EYS: variants seen among roughly 807,000 people sequenced by gnomAD.
EYS encodes protein eyes shut homolog.
In EYS, 250 loss-of-function variants were observed where a neutral mutation model predicts 282.1. The observed-to-expected ratio is 0.89, with a 90% confidence interval of 0.80 to 0.98. The LOEUF (loss-of-function observed/expected upper bound fraction) is 0.98. Ranked by LOEUF, EYS falls within the 50% of genes least tolerant of loss-of-function variation. EYS has a pLI of 0.00. For missense variants in EYS, 4,016 were observed against 3,709.0 expected (o/e 1.08, Z -2.15); for synonymous variants, 1,355 against 1,282.9 (o/e 1.06, Z -1.20).
intron 30 of EYS, 43 bp downstream of exon 30, chr6:64,306,927 T>A (rs1355105465): frequency 1.1e-6 from 1 of 887,116 alleles, no homozygotes; most frequent in Non-Finnish European, 1.8e-6. Context: ...TTTGGTGTGG[T>A]TATTTGAACA....
At chr6:64,158,382 C>A (rs951240859) in intron 31 of EYS, among the ~76,000 whole-genome samples, 1 of 151,868 alleles carries the variant, frequency 6.6e-6, no homozygotes, top group African/African-American at 2.4e-5. Flanking sequence ...ATTAAGCAAA[C>A]TAATATTTGA....
At chr6:64,774,188 C>T (rs1311064107) in intron 22 of EYS, among the ~76,000 whole-genome samples, 1 of 151,944 alleles carries the variant, frequency 6.6e-6, no homozygotes, top group African/African-American at 2.4e-5. Flanking sequence ...GGTTGCACTT[C>T]TGAGGCTTTC....
intron 12 of EYS, among the ~76,000 whole-genome samples, chr6:65,281,189 A>C (rs1485675944): frequency 6.6e-6 from 1 of 151,354 alleles, no homozygotes; most frequent in East Asian, 1.9e-4. Flanking sequence ...TCATTAAGCA[A>C]CATTATTAAG....
chr6:64,543,341 A>T (rs1764746219), intron 26 of EYS, among the ~76,000 whole-genome samples: 1 of 152,148 alleles, frequency 6.6e-6, no homozygotes, highest in African/African-American at 2.4e-5. Flanking sequence ...GAGGTAAATT[A>T]TCTTAGTGGA....
intron 22 of EYS, among the ~76,000 whole-genome samples, chr6:64,731,916 G>A (rs1194567926): frequency 6.6e-6 from 1 of 152,074 alleles, no homozygotes; most frequent in East Asian, 1.9e-4. Flanking sequence ...CAAATCAAAT[G>A]CCCATCAATG....
intron 29 of EYS, among the ~76,000 whole-genome samples, chr6:64,314,100 G>A (rs776512168): frequency 4.7e-5 from 7 of 148,900 alleles, no homozygotes; most frequent in Non-Finnish European, 7.4e-5. Flanking sequence ...AAGACCCTTC[G>A]CTGTGCTGTA....
At chr6:63,863,644 T>C (rs1054603922) in intron 36 of EYS, among the ~76,000 whole-genome samples, 6 of 4,230 alleles carry the variant, frequency 1.4e-3, no homozygotes, top group Non-Finnish European at 2.0e-3. Flanking sequence ...CCACTTTTTC[T>C]TTTCTTTTCT....
chr6:65,330,571 A>G, intron 11 of EYS: 4 of 975,968 alleles, frequency 4.1e-6, no homozygotes, highest in Non-Finnish European at 4.9e-6. Context: ...TGTTTGCAAT[A>G]CATCATTTAT....
At chr6:64,071,456 T>A (rs1440466274) in intron 32 of EYS, among the ~76,000 whole-genome samples, 2 of 151,784 alleles carry the variant, frequency 1.3e-5, no homozygotes, top group African/African-American at 2.4e-5. Context: ...TCTTTATACA[T>A]GTTTGTGCCC....
chr6:63,878,860 C>G (rs1773051670), intron 35 of EYS, among the ~76,000 whole-genome samples: 1 of 152,160 alleles, frequency 6.6e-6, no homozygotes, highest in African/African-American at 2.4e-5. Flanking sequence ...TCCCGATTTT[C>G]CAGGTACTGT....
chr6:64,929,272 G>T lies in EYS; in HGVS notation c.2381+16521C>A, dbSNP rs1011512332. ...GCCAAGGGATGCCAAAGATTGTCCCGGCAAAGTAATACAGAAGGTATACAG... is the reference window on the plus strand; with the variant it reads ...GCCAAGGGATGCCAAAGATTGTCCCTGCAAAGTAATACAGAAGGTATACAG... On this transcript the variant is annotated intron_variant, in intron 15 of 42. Coordinates refer to ENST00000503581, the MANE Select transcript of EYS (RefSeq NM_001142800.2). Among the ~76,000 whole-genome samples, 4 of 152,122 alleles carry T rather than the reference G, an allele frequency of 2.6e-5. No homozygotes were observed. The East Asian group carries it at 5.8e-4, about 22-fold the overall frequency.
intron 13 of EYS, among the ~76,000 whole-genome samples, chr6:65,041,663 T>C (rs1302845431): frequency 6.6e-6 from 1 of 151,740 alleles, no homozygotes; most frequent in Non-Finnish European, 1.5e-5. Context: ...TCTTATTTCC[T>C]GTTTTATCAT....
intron 31 of EYS, among the ~76,000 whole-genome samples, chr6:64,152,085 A>G (rs1466751712): frequency 6.6e-6 from 1 of 152,066 alleles, no homozygotes; most frequent in Non-Finnish European, 1.5e-5. Flanking sequence ...CTTTATTTCA[A>G]TTTTAAAATT....
intron 12 of EYS, among the ~76,000 whole-genome samples, chr6:65,116,536 C>T (rs544534825): frequency 1.3e-5 from 2 of 152,164 alleles, no homozygotes; most frequent in East Asian, 1.9e-4. Context: ...CAATAACTGG[C>T]TTCTGGAGCA....
intron 15 of EYS, among the ~76,000 whole-genome samples, chr6:64,943,847 C>T (rs1769183136): frequency 6.6e-6 from 1 of 151,972 alleles, no homozygotes. Flanking sequence ...TAGAGAAAAA[C>T]TATACTAAAA....
At chr6:63,786,890 T>G (rs185072832) in intron 39 of EYS, among the ~76,000 whole-genome samples, 1 of 152,214 alleles carries the variant, frequency 6.6e-6, no homozygotes, top group East Asian at 1.9e-4. Context: ...TTGGGAACCA[T>G]GGATTTATGG....
chr6:65,415,624 A>G (rs1185482484), intron 5 of EYS, among the ~76,000 whole-genome samples: 1 of 152,126 alleles, frequency 6.6e-6, no homozygotes, highest in Non-Finnish European at 1.5e-5. Context: ...TCAATATAAC[A>G]GGAGAAAAGA....
At chr6:64,446,975 A>ATG (rs201742627) in intron 26 of EYS, among the ~76,000 whole-genome samples, 20 of 123,652 alleles carry the variant, frequency 1.6e-4, no homozygotes, top group East Asian at 6.1e-4. Context: ...TGTATAATGT[A>ATG]TGTGTGTGTG....
At chr6:64,847,283 A>ATGTG (rs79270631) in intron 19 of EYS, among the ~76,000 whole-genome samples, 6 of 149,482 alleles carry the variant, frequency 4.0e-5, no homozygotes, top group African/African-American at 9.8e-5. Flanking sequence ...TATGTATATT[A>ATGTG]TGTGTGTGTG....
Sources: gnomAD v4.1 joint callset for allele counts (sites outside exome capture counted in the v4.1 genomes callset) on GRCh38, gnomAD v4.1.1 for gene constraint, MANE v1.5 for transcripts, NCBI Gene and HGNC (gene_info 2026-07-23, HGNC 2026-07-21) for gene names.